TINAG: variants seen among roughly 807,000 people sequenced by gnomAD.
TINAG encodes tubulointerstitial nephritis antigen.
In TINAG, 83 loss-of-function variants were observed where a neutral mutation model predicts 72.7. The ratio of observed to expected loss-of-function variants is 1.14; its 90% CI spans 0.96 to 1.37. TINAG has a LOEUF of 1.37. TINAG is among the 40% of genes most tolerant of loss of function. The pLI is 0.00. For missense variants in TINAG, 685 were observed against 576.6 expected (o/e 1.19, Z -1.93); for synonymous variants, 234 against 189.9 (o/e 1.23, Z -1.91).
chr6:54,325,708 CA>C (rs1296726736), intron 3 of TINAG, among the ~76,000 whole-genome samples: 9 of 152,264 alleles, frequency 5.9e-5, no homozygotes, highest in African/African-American at 2.2e-4. Context: ...CATAGGGCAA[CA>C]AAAACATACT....
At chr6:54,374,629 A>G (rs1180488509) in intron 9 of TINAG, among the ~76,000 whole-genome samples, 1 of 152,042 alleles carries the variant, frequency 6.6e-6, no homozygotes, top group African/African-American at 2.4e-5. Context: ...TATCTTTCAA[A>G]TCTTTGTGTA....
chr6:54,316,502 G>A (rs1582694371), intron 1 of TINAG, among the ~76,000 whole-genome samples: 1 of 152,114 alleles, frequency 6.6e-6, no homozygotes, highest in Non-Finnish European at 1.5e-5. Flanking sequence ...TTTCTCCAAA[G>A]CCTGGTCTTT....
chr6:54,332,210 T>A (rs2150946023), intron 4 of TINAG, among the ~76,000 whole-genome samples: 1 of 152,212 alleles, frequency 6.6e-6, no homozygotes, highest in Non-Finnish European at 1.5e-5. Flanking sequence ...CTACCTGACT[T>A]CAAACTATAC....
chr6:54,353,856 G>C (rs781087238), intron 8 of TINAG, among the ~76,000 whole-genome samples: 15 of 151,670 alleles, frequency 9.9e-5, no homozygotes, highest in Middle Eastern at 3.2e-3. Flanking sequence ...AAGTTTAAAG[G>C]CTTCACCCTG....
chr6:54,339,359 A>C (rs1784943846), intron 4 of TINAG, among the ~76,000 whole-genome samples: 1 of 152,174 alleles, frequency 6.6e-6, no homozygotes, highest in Admixed American at 6.6e-5. Flanking sequence ...TTCCAAGGTC[A>C]TATAATGGTT....
chr6:54,356,177 AT>A (rs1193463119), intron 9 of TINAG, among the ~76,000 whole-genome samples: 1 of 151,878 alleles, frequency 6.6e-6, no homozygotes, highest in Non-Finnish European at 1.5e-5. Flanking sequence ...AAAGTGTATC[AT>A]TTTTAATAAA....
chr6:54,310,422 TTTCC>T (rs897645030), intron 1 of TINAG, among the ~76,000 whole-genome samples: 1 of 151,692 alleles, frequency 6.6e-6, no homozygotes, highest in African/African-American at 2.4e-5. Context: ...TTTGTTTTTC[TTTCC>T]TTCCTTCCTT....
chr6:54,366,465 T>A (rs1763422987), intron 9 of TINAG, among the ~76,000 whole-genome samples: 1 of 151,622 alleles, frequency 6.6e-6, no homozygotes, highest in African/African-American at 2.4e-5. Flanking sequence ...ATTAAAACAT[T>A]TGCTTAATTT....
At chr6:54,314,613 C>T (rs749383742) in intron 1 of TINAG, among the ~76,000 whole-genome samples, 3 of 152,008 alleles carry the variant, frequency 2.0e-5, no homozygotes, top group Non-Finnish European at 4.4e-5. Flanking sequence ...TGCGGAATCA[C>T]CTAAAAACAC....
At chr6:54,350,709 G>C (rs963482698) in intron 7 of TINAG, among the ~76,000 whole-genome samples, 2 of 148,766 alleles carry the variant, frequency 1.3e-5, no homozygotes, top group Non-Finnish European at 3.0e-5. Context: ...TCTCTGTGAC[G>C]TTTTCCTTGA....
chr6:54,315,893 A>G (rs1562145981), intron 1 of TINAG, among the ~76,000 whole-genome samples: 1 of 152,178 alleles, frequency 6.6e-6, no homozygotes, highest in Non-Finnish European at 1.5e-5. Context: ...AGTCACTGAC[A>G]TGTTTGAATT....
intron 8 of TINAG, 118 bp from the exon 9 acceptor site, chr6:54,354,395 C>T (rs1326094030): frequency 1.1e-6 from 1 of 874,990 alleles, no homozygotes; most frequent in Non-Finnish European, 1.7e-6. Flanking sequence ...ATCACACAGC[C>T]CCTTCTTAGA....
At chr6:54,383,943 G>C (rs1282757950) in intron 10 of TINAG, among the ~76,000 whole-genome samples, 1 of 151,856 alleles carries the variant, frequency 6.6e-6, no homozygotes, top group African/African-American at 2.4e-5. Context: ...GCAAAAACTT[G>C]GAACCAACCC....
chr6:54,327,265 T>C, intron 4 of TINAG: 2 of 1,343,078 alleles, frequency 1.5e-6, no homozygotes, highest in South Asian at 2.7e-5. Flanking sequence ...TTCATCTCAT[T>C]GGGACTGGTT....
At chr6:54,360,845 T>TG in intron 9 of TINAG, among the ~76,000 whole-genome samples, 2 of 85,378 alleles carry the variant, frequency 2.3e-5, no homozygotes, top group Non-Finnish European at 4.9e-5. Context: ...TACTGTGTTT[T>TG]TTTTTTTTTT....
intron 3 of TINAG, 70 bp downstream of exon 3, chr6:54,321,456 G>C (rs1348371168): frequency 1.9e-6 from 2 of 1,069,374 alleles, no homozygotes; most frequent in Non-Finnish European, 2.8e-6. Context: ...TGTATTGCTT[G>C]GTTTCTATAA....
At chr6:54,309,600 TTATC>T (rs1784192711) in intron 1 of TINAG, among the ~76,000 whole-genome samples, 1 of 152,180 alleles carries the variant, frequency 6.6e-6, no homozygotes, top group Admixed American at 6.5e-5. Flanking sequence ...TTTATTATAT[TTATC>T]TAATTGGAGG....
intron 5 of TINAG, 142 bp from the exon 6 acceptor site, chr6:54,347,225 A>T: frequency 1.3e-6 from 1 of 792,222 alleles, no homozygotes; most frequent in South Asian, 2.3e-5. Context: ...GGAATACATA[A>T]ATATATTAAT....
At chr6:54,387,563 G>A (rs571128643) in intron 10 of TINAG, among the ~76,000 whole-genome samples, 1 of 152,244 alleles carries the variant, frequency 6.6e-6, no homozygotes, top group South Asian at 2.1e-4. Context: ...TGGACAGGAA[G>A]GCAACATGGT....
Sources: gnomAD v4.1 joint callset for allele counts (sites outside exome capture counted in the v4.1 genomes callset) on GRCh38, gnomAD v4.1.1 for gene constraint, MANE v1.5 for transcripts, NCBI Gene and HGNC (gene_info 2026-07-23, HGNC 2026-07-21) for gene names.